CHD1L: variants seen among roughly 807,000 people sequenced by gnomAD.
CHD1L encodes ATP-dependent chromatin remodeler CHD1L.
Under a neutral mutation model 115.9 loss-of-function variants are expected in CHD1L, and 118 were observed. That is an observed-to-expected ratio of 1.02 (90% CI 0.88 to 1.19). The LOEUF is 1.19. Among genes scored for constraint, CHD1L ranks in the 50% most tolerant of loss-of-function variants. CHD1L has a pLI of 0.00. For missense variants in CHD1L, 1,179 were observed against 1,065.3 expected, an observed-to-expected ratio of 1.11 and a Z score of -1.49; for synonymous variants, 411 against 387.1, an observed-to-expected ratio of 1.06 and a Z score of -0.72.
In CHD1L at chr1:147,264,431, G is replaced by T; in HGVS notation, c.586G>T (p.Val196Phe). Residue 196 changes from valine to phenylalanine, a missense_variant, in exon 7 of 23, where the codon GTC (valine) becomes TTC (phenylalanine). Transcript: ENST00000369258. ...LHKTLSEFSVVFSLLLTGTPI... is the reference protein window; with the variant it reads ...LHKTLSEFSVFFSLLLTGTPI... The stretch of plus-strand genomic sequence containing the variant: ...TATTTATGTATTTGAGTTCTCAGTA[G>T]TCTTCAGTCTCCTGTTGACCGGAAC... 1 of 1,607,204 alleles carries T rather than the reference G, an allele frequency of 6.2e-7. No individual in the cohort carries two copies. The highest frequency in any genetic ancestry group is 8.5e-7 in the Non-Finnish European group (1 of 1,176,454).
At chr1:147,288,412 A>G (rs587682000) in intron 19 of CHD1L, among the ~76,000 whole-genome samples, 1 of 151,758 alleles carries the variant, frequency 6.6e-6, no homozygotes, top group East Asian at 1.9e-4. Flanking sequence ...ATCTATGGGA[A>G]GCCGGGCGTG....
intron 20 of CHD1L, among the ~76,000 whole-genome samples, chr1:147,292,787 G>C (rs1011002404): frequency 6.6e-6 from 1 of 152,134 alleles, no homozygotes; most frequent in Admixed American, 6.5e-5. Context: ...ACCAGAGCAA[G>C]AACTCATCAC....
the CHD1L span, among the ~76,000 whole-genome samples, chr1:147,200,542 T>G: frequency 6.6e-6 from 1 of 152,132 alleles, no homozygotes; most frequent in African/African-American, 2.4e-5. Flanking sequence ...TAGATTTAAT[T>G]ATTTCTTTGG....
rs782225008 is a variant in CHD1L at position 147,242,734 on chromosome 1, G to T, written c.31G>T (p.Gly11Cys). The T allele has an allele frequency of 9.5e-6, 12 of 1,260,488 alleles. No individual in the cohort carries two copies. In the South Asian group the frequency reaches 3.9e-4, roughly 41 times the overall value. 78.1% of individuals were successfully genotyped at this position (1,260,488 alleles called of 1,614,324 possible). Residue 11 changes from glycine (G) to cysteine (C), a missense_variant, in exon 1 of 23, where the codon GGC becomes TGC. By Grantham distance (159) the Gly-to-Cys change is radical. Transcript: ENST00000369258. Reference sequence around the variant, plus strand: ...GCGCGCGGGCGCTACTAGCCGCGGGGGCCAAGCCCCTGGCTTCTTACTGCG... The same window carrying T: ...GCGCGCGGGCGCTACTAGCCGCGGGTGCCAAGCCCCTGGCTTCTTACTGCG... MERAGATSRG[G>C]QAPGFLLRLH... is the part of the protein sequence containing the mutation.
At chr1:147,228,194 G>A in the CHD1L span, among the ~76,000 whole-genome samples, 2 of 147,418 alleles carry the variant, frequency 1.4e-5, no homozygotes, top group South Asian at 4.3e-4. Context: ...AGTGTGTCAT[G>A]TTCCCCTTCC....
At chr1:147,244,671 A>T (rs1666021325) in intron 1 of CHD1L, among the ~76,000 whole-genome samples, 2 of 151,462 alleles carry the variant, frequency 1.3e-5, no homozygotes, top group African/African-American at 4.8e-5. Flanking sequence ...TTTCATGTAC[A>T]TTTTTTTGGG....
chr1:147,173,798 T>A, the CHD1L span, among the ~76,000 whole-genome samples: 1 of 152,324 alleles, frequency 6.6e-6, no homozygotes, highest in African/African-American at 2.4e-5. Flanking sequence ...CAAGATCACA[T>A]TAAAGTGTGT....
the CHD1L span, among the ~76,000 whole-genome samples, chr1:147,174,052 A>G: frequency 2.0e-5 from 3 of 152,152 alleles, no homozygotes; most frequent in Admixed American, 2.0e-4. Flanking sequence ...TGAAACGTTC[A>G]TTTTTATATT....
At chr1:147,282,229 G>A (rs11239964) in intron 15 of CHD1L, among the ~76,000 whole-genome samples, 2 of 152,020 alleles carry the variant, frequency 1.3e-5, no homozygotes, top group African/African-American at 4.8e-5. Flanking sequence ...ATCCATATTT[G>A]ATGTCTTTTC....
chr1:147,287,593 C>G (rs1553966939), intron 18 of CHD1L, 42 bp from the exon 19 acceptor site: 1 of 1,462,878 alleles, frequency 6.8e-7, no homozygotes, highest in Admixed American at 1.8e-5. Flanking sequence ...GTGCACTGGA[C>G]TTCACCTCCT....
intron 19 of CHD1L, among the ~76,000 whole-genome samples, chr1:147,288,693 T>C (rs782783135): frequency 2.0e-5 from 3 of 151,974 alleles, no homozygotes; most frequent in Non-Finnish European, 2.9e-5. Context: ...AAAAGACCTA[T>C]GGGAGAGAAA....
the CHD1L span, among the ~76,000 whole-genome samples, chr1:147,216,478 G>C: frequency 6.6e-6 from 1 of 152,076 alleles, no homozygotes; most frequent in Non-Finnish European, 1.5e-5. Flanking sequence ...GAGTGTAACA[G>C]TTTCCATATA....
chr1:147,188,594 C>T, the CHD1L span, among the ~76,000 whole-genome samples: 1 of 150,564 alleles, frequency 6.6e-6, no homozygotes, highest in Non-Finnish European at 1.5e-5. Context: ...CTAGCTCCTG[C>T]CTTGATTATG....
chr1:147,216,700 C>G, the CHD1L span, among the ~76,000 whole-genome samples: 4 of 152,186 alleles, frequency 2.6e-5, no homozygotes, highest in Non-Finnish European at 5.9e-5. Flanking sequence ...AACCACTGCT[C>G]TAGATCCTTA....
the CHD1L span, among the ~76,000 whole-genome samples, chr1:147,185,161 A>G: frequency 3.5e-5 from 5 of 143,602 alleles, no homozygotes; most frequent in Non-Finnish European, 6.1e-5. Context: ...GAGCTAAAAA[A>G]TCATTAACCA....
At chr1:147,224,850 T>G in the CHD1L span, 1 of 1,584,692 alleles carries the variant, frequency 6.3e-7, no homozygotes. Flanking sequence ...TGCACCTAGT[T>G]GCAGGGAGGG....
At chr1:147,230,921 C>T in the CHD1L span, among the ~76,000 whole-genome samples, 1 of 151,582 alleles carries the variant, frequency 6.6e-6, no homozygotes, top group African/African-American at 2.4e-5. Flanking sequence ...GTCTTGCTAG[C>T]AGTCTATCAA....
At chr1:147,266,138 A>C (rs1673833910) in intron 8 of CHD1L, 51 bp downstream of exon 8, 1 of 1,507,994 alleles carries the variant, frequency 6.6e-7, no homozygotes. Flanking sequence ...ATGTGATTTC[A>C]GGTAGTAAAA....
chr1:147,196,261 T>C, the CHD1L span, among the ~76,000 whole-genome samples: 1 of 152,192 alleles, frequency 6.6e-6, no homozygotes, highest in Non-Finnish European at 1.5e-5. Context: ...CATGTGTTTT[T>C]ACATTTTAGC....
Sources: gnomAD v4.1 joint callset for allele counts (sites outside exome capture counted in the v4.1 genomes callset) on GRCh38, gnomAD v4.1.1 for gene constraint, MANE v1.5 for transcripts, NCBI Gene and HGNC (gene_info 2026-07-23, HGNC 2026-07-21) for gene names.